CWH43: variants seen among roughly 807,000 people sequenced by gnomAD.
The protein encoded by CWH43 is PGAP2-interacting protein.
A neutral mutation model predicts 85.7 loss-of-function variants in CWH43; 91 were observed. The observed-to-expected ratio is 1.06, with a 90% CI of 0.90 to 1.26. The LOEUF is 1.26. Among genes scored for constraint, CWH43 ranks in the 50% most tolerant of loss-of-function variants. The pLI, the probability that CWH43 is intolerant of heterozygous loss-of-function variation, is 0.00. For missense variants in CWH43, 869 were observed against 839.2 expected, an observed-to-expected ratio of 1.04 and a Z score of -0.44; for synonymous variants, 323 against 293.6, an observed-to-expected ratio of 1.10 and a Z score of -1.02.
At chr4:49,050,492 T>C (rs1784758644) in intron 14 of CWH43, among the ~76,000 whole-genome samples, 1 of 152,224 alleles carries the variant, frequency 6.6e-6, no homozygotes, top group South Asian at 2.1e-4. Context: ...TAAATCTATG[T>C]ACATATTCTT....
Position 49,045,562 on chromosome 4 carries a change from A to T in CWH43, c.1865+715A>T, listed in dbSNP as rs1784597523. Among the ~76,000 whole-genome samples, 3 of 152,164 alleles carry T rather than the reference A, an allele frequency of 2.0e-5. 1 individual carries two copies. The highest frequency in any genetic ancestry group is 2.0e-4 in the Admixed American group (3 of 15,256). The stretch of plus-strand genomic sequence containing the variant: ...GGTGTTACAGTTGTCTACAATATTC[A>T]GTACAGTTACATGCAGTACAGGTTT... On this transcript the variant is annotated intron_variant, in intron 14 of 15. Transcript: ENST00000226432.
intron 8 of CWH43, chr4:49,016,755 C>T (rs774329751): frequency 1.3e-6 from 1 of 778,018 alleles, no homozygotes; most frequent in Non-Finnish European, 2.4e-6. Flanking sequence ...GCCAGCTTCC[C>T]TTGCATCTAG....
At chr4:49,039,736 A>AT (rs1430680818) in intron 13 of CWH43, among the ~76,000 whole-genome samples, 3 of 150,178 alleles carry the variant, frequency 2.0e-5, no homozygotes, top group African/African-American at 7.4e-5. Context: ...TTTTTTTCTG[A>AT]TTTTTTTAAA....
intron 12 of CWH43, among the ~76,000 whole-genome samples, 155 bp downstream of exon 12, chr4:49,032,870 G>A (rs1784144213): frequency 6.6e-6 from 1 of 152,176 alleles, no homozygotes; most frequent in Non-Finnish European, 1.5e-5. Flanking sequence ...TCAGACAGAA[G>A]CATTTAAGAT....
In CWH43 at chr4:48,986,383, C is replaced by T; in HGVS notation, c.-47C>T. The T allele has an allele frequency of 6.5e-7, 1 of 1,535,332 alleles. No individual in the cohort carries two copies. The highest frequency in any genetic ancestry group is 1.4e-5 in the African/African-American group (1 of 72,694). On this transcript the variant is annotated 5_prime_UTR_variant, in exon 1 of 16. Coordinates refer to ENST00000226432, the MANE Select transcript of CWH43 (RefSeq NM_025087.3). Reference sequence around the variant, plus strand: ...GGGGGCGCAGGGCTAGGGCAGCGGGCCCGACCCGCACGGCTTTCCTGGAAA... The same window carrying T: ...GGGGGCGCAGGGCTAGGGCAGCGGGTCCGACCCGCACGGCTTTCCTGGAAA...
At chr4:49,000,015 G>A (rs1324096147) in intron 6 of CWH43, among the ~76,000 whole-genome samples, 3 of 151,868 alleles carry the variant, frequency 2.0e-5, no homozygotes, top group Non-Finnish European at 4.4e-5. Context: ...TCCCTTAAAA[G>A]GCAATATTTA....
In CWH43 at chr4:49,007,257, G is replaced by A. The variant is rs1174465585; in HGVS notation, c.1117G>A (p.Asp373Asn). ...NMLFGPKKNL[D>N]LLLQTKNSSK... The stretch of plus-strand genomic sequence containing the variant: ...GCTATTTGGTCCTAAGAAAAACCTT[G>A]ACTTGCTTCTTCAAACAAAAAACAG... The change falls in exon 8 of 16, where the codon GAC becomes AAC. Residue 373 changes from aspartate (D) to asparagine (N), a missense_variant. Asp to Asn is a conservative substitution (Grantham distance 23, BLOSUM62 1). Coordinates refer to ENST00000226432, the MANE Select transcript of CWH43 (RefSeq NM_025087.3). 30 of 1,611,650 alleles carry A rather than the reference G, an allele frequency of 1.9e-5. No individual in the cohort carries two copies. Among genetic ancestry groups the A allele is most frequent in the Non-Finnish European group, 2.5e-5 (30 of 1,178,912 alleles).
intron 9 of CWH43, among the ~76,000 whole-genome samples, chr4:49,020,177 ACTGAGTCTC>A (rs1273781672): frequency 3.3e-5 from 5 of 152,094 alleles, no homozygotes; most frequent in African/African-American, 7.2e-5. Context: ...TTAATAAGCA[ACTGAGTCTC>A]CTGAGTCTCC....
intron 15 of CWH43, among the ~76,000 whole-genome samples, chr4:49,054,241 C>A (rs1457707957): frequency 6.6e-6 from 1 of 152,152 alleles, no homozygotes. Flanking sequence ...CCAGTTCCCC[C>A]AACATTGCTT....
chr4:49,029,001 T>A (rs1683145969), intron 10 of CWH43, among the ~76,000 whole-genome samples: 1 of 152,128 alleles, frequency 6.6e-6, no homozygotes, highest in Non-Finnish European at 1.5e-5. Flanking sequence ...AGGGGATTCA[T>A]GTTGTGTTTT....
At chr4:49,004,374 T>A (rs11727556) in intron 7 of CWH43, among the ~76,000 whole-genome samples, 2,218 of 152,202 alleles carry the variant, frequency 0.015, 20 homozygotes, top group Non-Finnish European at 0.025. Flanking sequence ...TACATGGGGA[T>A]TGTGATTTTT....
At chr4:49,032,523 G>T in intron 11 of CWH43, 43 bp from the exon 12 acceptor site, 1 of 1,609,666 alleles carries the variant, frequency 6.2e-7, no homozygotes, top group Non-Finnish European at 8.5e-7. Context: ...ATGGTAGAAT[G>T]GGACTGACAA....
chr4:49,025,174 C>T (rs939119225), intron 9 of CWH43, among the ~76,000 whole-genome samples: 4 of 151,914 alleles, frequency 2.6e-5, no homozygotes, highest in Non-Finnish European at 5.9e-5. Context: ...TTGCCCTTCT[C>T]TAAGCGTGTC....
At chr4:48,986,939 G>A (rs559778577) in intron 1 of CWH43, among the ~76,000 whole-genome samples, 1 of 152,358 alleles carries the variant, frequency 6.6e-6, no homozygotes, top group Non-Finnish European at 1.5e-5. Context: ...GCTGGGCCCA[G>A]GACAAGTGGC....
At chr4:49,016,649 G>A (rs995446014) in intron 8 of CWH43, 1 of 754,992 alleles carries the variant, frequency 1.3e-6, no homozygotes. Context: ...AGAAGCATGT[G>A]CAGGGGAGGG....
chr4:49,007,566 G>T (rs915783668), intron 8 of CWH43, among the ~76,000 whole-genome samples: 4 of 152,090 alleles, frequency 2.6e-5, no homozygotes, highest in Non-Finnish European at 5.9e-5. Context: ...ATGTTGGTTT[G>T]CTGGACCCAT....
chr4:48,988,095 G>A (rs2109735507), intron 1 of CWH43, among the ~76,000 whole-genome samples: 1 of 152,330 alleles, frequency 6.6e-6, no homozygotes, highest in East Asian at 1.9e-4. Context: ...ACGGCAGCAG[G>A]AAGCCATCCT....
At chr4:49,012,241 A>C (rs1783388351) in intron 8 of CWH43, among the ~76,000 whole-genome samples, 14 of 152,154 alleles carry the variant, frequency 9.2e-5, no homozygotes, top group Admixed American at 9.2e-4. Flanking sequence ...AATCACTGAT[A>C]TCCTCCTTCC....
At chr4:49,008,913 C>G (rs1163249787) in intron 8 of CWH43, among the ~76,000 whole-genome samples, 1 of 152,154 alleles carries the variant, frequency 6.6e-6, no homozygotes, top group Non-Finnish European at 1.5e-5. Context: ...TAGCCTGATG[C>G]CTCCAGCTTT....
Sources: gnomAD v4.1 joint callset for allele counts (sites outside exome capture counted in the v4.1 genomes callset) on GRCh38, gnomAD v4.1.1 for gene constraint, MANE v1.5 for transcripts, NCBI Gene and HGNC (gene_info 2026-07-23, HGNC 2026-07-21) for gene names.